GALNTL6: variants seen among roughly 807,000 people sequenced by gnomAD.
GALNTL6 encodes the protein polypeptide N-acetylgalactosaminyltransferase-like 6.
Under a neutral mutation model 73.7 loss-of-function variants are expected in GALNTL6, and 46 were observed. The observed-to-expected ratio is 0.62, with a 90% confidence interval of 0.49 to 0.80. The LOEUF (loss-of-function observed/expected upper bound fraction) is 0.80, where lower values mean the gene tolerates loss of function less well. Ranked by LOEUF, GALNTL6 falls within the 30% of genes least tolerant of loss-of-function variation. GALNTL6 has a pLI of 0.00. For synonymous variants in GALNTL6, 259 were observed against 263.7 expected (o/e 0.98, Z 0.17); for missense variants, 604 against 755.0 (o/e 0.80, Z 2.34).
chr4:172,619,002 A>T (rs1738851464), intron 5 of GALNTL6, among the ~76,000 whole-genome samples: 1 of 152,202 alleles, frequency 6.6e-6, no homozygotes, highest in African/African-American at 2.4e-5. Context: ...GATTACAGGC[A>T]TGAGCCACAG....
intron 5 of GALNTL6, among the ~76,000 whole-genome samples, chr4:172,363,630 G>A (rs1742455081): frequency 6.6e-6 from 1 of 152,126 alleles, no homozygotes; most frequent in Non-Finnish European, 1.5e-5. Context: ...TTGACTGTGA[G>A]TTTATATCTA....
chr4:172,866,605 C>T (rs1360162975), intron 7 of GALNTL6, among the ~76,000 whole-genome samples: 2 of 152,190 alleles, frequency 1.3e-5, no homozygotes, highest in African/African-American at 4.8e-5. Flanking sequence ...CAGCATTACA[C>T]ACGGTCCCTC....
At chr4:172,918,468 G>T (rs920284374) in intron 8 of GALNTL6, among the ~76,000 whole-genome samples, 1 of 151,860 alleles carries the variant, frequency 6.6e-6, no homozygotes, top group African/African-American at 2.4e-5. Context: ...TAACACATAA[G>T]GCCAACAGAA....
chr4:172,249,829 C>T (rs1027317386), intron 3 of GALNTL6, among the ~76,000 whole-genome samples: 3 of 152,188 alleles, frequency 2.0e-5, no homozygotes, highest in African/African-American at 7.2e-5. Context: ...TGTATGGAAA[C>T]ACCTGGACAT....
At chr4:172,150,424 G>T (rs189706460) in intron 2 of GALNTL6, among the ~76,000 whole-genome samples, 21 of 152,286 alleles carry the variant, frequency 1.4e-4, no homozygotes, top group Admixed American at 1.2e-3. Context: ...TCTAATAAAT[G>T]CTAAGAGAGA....
At chr4:172,091,564 C>A (rs1323570652) in intron 2 of GALNTL6, among the ~76,000 whole-genome samples, 1 of 152,148 alleles carries the variant, frequency 6.6e-6, no homozygotes, top group Non-Finnish European at 1.5e-5. Flanking sequence ...ACTTTAATTT[C>A]CAAAGGCAGT....
chr4:172,133,145 G>A lies in GALNTL6; in HGVS notation c.139-96511G>A, dbSNP rs71607868. On this transcript the variant is annotated intron_variant, in intron 2 of 12. Transcript: ENST00000506823. ...ATTCTCAAATCTTCAGCAATTCTGG[G>A]CTGTCCATTAGATCGTTAGTTAAGC... 2.6e-3 allele frequency among the ~76,000 whole-genome samples: 402 copies of A among 152,204 alleles called. 2 individuals are homozygous for A. The highest frequency in any genetic ancestry group is 8.7e-3 in the African/African-American group (360 of 41,534).
chr4:171,829,141 C>T (rs1297082940), intron 2 of GALNTL6, among the ~76,000 whole-genome samples: 1 of 152,134 alleles, frequency 6.6e-6, no homozygotes, highest in Non-Finnish European at 1.5e-5. Flanking sequence ...CTAGCCCCAG[C>T]ACTTTTCAAT....
At chr4:172,170,110 A>G (rs2110817801) in intron 2 of GALNTL6, among the ~76,000 whole-genome samples, 1 of 152,258 alleles carries the variant, frequency 6.6e-6, no homozygotes, top group African/African-American at 2.4e-5. Flanking sequence ...GGCAGCTCCC[A>G]TGCCTGCATT....
At chr4:172,523,260 A>C (rs920667876) in intron 5 of GALNTL6, among the ~76,000 whole-genome samples, 1 of 152,224 alleles carries the variant, frequency 6.6e-6, no homozygotes, top group African/African-American at 2.4e-5. Context: ...GCAGACACTC[A>C]GACCTGGCTG....
At chr4:172,927,906 G>C (rs1427582783) in intron 8 of GALNTL6, among the ~76,000 whole-genome samples, 2 of 152,152 alleles carry the variant, frequency 1.3e-5, no homozygotes, top group African/African-American at 4.8e-5. Context: ...AGGAGACATA[G>C]ACCGATCCCC....
intron 2 of GALNTL6, among the ~76,000 whole-genome samples, chr4:171,979,737 A>G (rs1739836899): frequency 6.6e-6 from 1 of 152,224 alleles, no homozygotes; most frequent in South Asian, 2.1e-4. Flanking sequence ...TCTGCAGGGA[A>G]TATCAGAAGA....
intron 2 of GALNTL6, among the ~76,000 whole-genome samples, chr4:171,851,056 C>T (rs972001585): frequency 7.2e-5 from 11 of 152,250 alleles, no homozygotes; most frequent in Middle Eastern, 6.8e-3. Context: ...GGGCATTTCT[C>T]GTAGTGTATA....
intron 2 of GALNTL6, among the ~76,000 whole-genome samples, chr4:171,961,412 C>T (rs1469551342): frequency 2.0e-5 from 3 of 152,016 alleles, no homozygotes; most frequent in Non-Finnish European, 4.4e-5. Flanking sequence ...ATGGTACAAA[C>T]CCATGGCTGA....
intron 2 of GALNTL6, among the ~76,000 whole-genome samples, chr4:172,198,068 G>C (rs750733320): frequency 2.6e-5 from 4 of 152,022 alleles, no homozygotes; most frequent in Non-Finnish European, 2.9e-5. Context: ...CCAAGATTGT[G>C]CCACTGCACT....
chr4:172,964,092 G>C (rs1750215108), intron 10 of GALNTL6, among the ~76,000 whole-genome samples: 1 of 152,168 alleles, frequency 6.6e-6, no homozygotes, highest in Non-Finnish European at 1.5e-5. Context: ...TGTTCAAATA[G>C]AAGCAATGTG....
chr4:172,569,738 T>A (rs1471125001), intron 5 of GALNTL6, among the ~76,000 whole-genome samples: 1 of 152,124 alleles, frequency 6.6e-6, no homozygotes, highest in African/African-American at 2.4e-5. Flanking sequence ...TATGGGGTGC[T>A]TTTGAGACAT....
intron 5 of GALNTL6, among the ~76,000 whole-genome samples, chr4:172,586,950 T>C (rs1219999193): frequency 1.3e-5 from 2 of 152,164 alleles, no homozygotes; most frequent in Non-Finnish European, 2.9e-5. Context: ...TGTGTAAAAA[T>C]TAATGAAGTC....
At chr4:172,189,833 A>T (rs1454062169) in intron 2 of GALNTL6, among the ~76,000 whole-genome samples, 1 of 151,874 alleles carries the variant, frequency 6.6e-6, no homozygotes, top group Middle Eastern at 3.2e-3. Context: ...AATGATGATA[A>T]TAATAATAAT....
Sources: gnomAD v4.1 joint callset for allele counts (sites outside exome capture counted in the v4.1 genomes callset) on GRCh38, gnomAD v4.1.1 for gene constraint, MANE v1.5 for transcripts, NCBI Gene and HGNC (gene_info 2026-07-23, HGNC 2026-07-21) for gene names.